The following DCLK1 variants were observed in gnomAD, a reference collection of about 807,000 sequenced individuals.
DCLK1 encodes doublecortin like kinase 1.
Under a neutral mutation model 86.2 loss-of-function variants are expected in DCLK1, and 16 were observed. The ratio of observed to expected loss-of-function variants is 0.19; its 90% CI spans 0.13 to 0.28. The LOEUF is 0.28. DCLK1 is among the 10% of genes least tolerant of loss of function. The pLI is 1.00. For synonymous variants in DCLK1, 369 were observed against 370.5 expected, an observed-to-expected ratio of 1.00 and a Z score of 0.05; for missense variants, 590 against 940.2, an observed-to-expected ratio of 0.63 and a Z score of 4.87.
intron 6 of DCLK1, among the ~76,000 whole-genome samples, chr13:35,845,712 C>T (rs1163745887): frequency 6.6e-6 from 1 of 152,204 alleles, no homozygotes; most frequent in Non-Finnish European, 1.5e-5. Flanking sequence ...TTATTACTGT[C>T]AGCATTTTAT....
intron 3 of DCLK1, among the ~76,000 whole-genome samples, chr13:35,966,675 T>C (rs1878757185): frequency 6.6e-6 from 1 of 152,028 alleles, no homozygotes; most frequent in African/African-American, 2.4e-5. Context: ...TGACTGGTTT[T>C]CGTATTTTTT....
intron 10 of DCLK1, among the ~76,000 whole-genome samples, chr13:35,823,679 G>T (rs1322955141): frequency 6.6e-6 from 1 of 152,150 alleles, no homozygotes; most frequent in East Asian, 1.9e-4. Context: ...GAGAATTGGG[G>T]TCTGATTTAC....
intron 4 of DCLK1, among the ~76,000 whole-genome samples, chr13:35,942,008 C>G (rs1430100277): frequency 1.3e-5 from 2 of 152,046 alleles, no homozygotes; most frequent in African/African-American, 2.4e-5. Flanking sequence ...TTCTTTCACA[C>G]CCTAGAGCTC....
intron 5 of DCLK1, among the ~76,000 whole-genome samples, chr13:35,867,611 C>T (rs1871885823): frequency 6.6e-6 from 1 of 152,138 alleles, no homozygotes; most frequent in South Asian, 2.1e-4. Flanking sequence ...CAAATGTTGG[C>T]AGTGACATAC....
At chr13:35,792,320 C>G (rs1294520151) in intron 16 of DCLK1, among the ~76,000 whole-genome samples, 1 of 152,094 alleles carries the variant, frequency 6.6e-6, no homozygotes, top group Non-Finnish European at 1.5e-5. Flanking sequence ...CTCAGTAACC[C>G]AGATCTGGGA....
At chr13:35,805,644 T>C (rs1165518457) in intron 15 of DCLK1, 55 bp downstream of exon 15, 2 of 1,536,950 alleles carry the variant, frequency 1.3e-6, no homozygotes, top group South Asian at 2.3e-5. Context: ...AATCTGCAAC[T>C]GATTTTTAAA....
intron 5 of DCLK1, among the ~76,000 whole-genome samples, chr13:35,856,073 C>T (rs556281939): frequency 3.3e-5 from 5 of 152,140 alleles, no homozygotes; most frequent in Non-Finnish European, 7.4e-5. Context: ...CTCCAAAGAC[C>T]TTAAAAAATG....
rs566692203 is a variant in DCLK1 at position 35,934,946 on chromosome 13, A to C, written c.823+12412T>G. Among the ~76,000 whole-genome samples, 8 of 152,298 alleles carry C rather than the reference A, an allele frequency of 5.3e-5. No homozygotes were observed. In the South Asian group the frequency reaches 1.7e-3, roughly 32 times the overall value. ...ACAGCAGAATGAACAACAATGGTAT[A>C]ATAAAGAGCAAAGAGCTGGAAAAAG... On this transcript the variant is annotated intron_variant, in intron 4 of 16. Transcript: ENST00000360631.
At chr13:35,863,984 T>C (rs1022811947) in intron 5 of DCLK1, among the ~76,000 whole-genome samples, 10 of 152,230 alleles carry the variant, frequency 6.6e-5, no homozygotes, top group Non-Finnish European at 8.8e-5. Flanking sequence ...TGCTTCGTCA[T>C]GGTAGATGCT....
At position 35,877,666 on chromosome 13, in the gene DCLK1, T is replaced by A. The variant is rs536220780; in HGVS notation, c.824-6326A>T. ...TATCTCAACTCTAAATTCAGTTTTCTGAATTGTTCAGGAAATGGACAAGTT... is the reference window on the plus strand; with the variant it reads ...TATCTCAACTCTAAATTCAGTTTTCAGAATTGTTCAGGAAATGGACAAGTT... On this transcript the variant is annotated intron_variant, in intron 4 of 16. Transcript: ENST00000360631. Among the ~76,000 whole-genome samples, 12 of 152,344 alleles carry A rather than the reference T, an allele frequency of 7.9e-5. No individual in the cohort carries two copies. The South Asian group carries it at 1.2e-3, about 16-fold the overall frequency.
At chr13:35,825,894 C>A (rs1439754869) in intron 10 of DCLK1, among the ~76,000 whole-genome samples, 1 of 151,762 alleles carries the variant, frequency 6.6e-6, no homozygotes, top group Non-Finnish European at 1.5e-5. Context: ...CTCACTGCAA[C>A]CACCACCTCC....
chr13:35,958,611 C>T (rs1385190377), intron 3 of DCLK1, among the ~76,000 whole-genome samples: 1 of 152,186 alleles, frequency 6.6e-6, no homozygotes. Context: ...TAAGGGGAGC[C>T]CTTACAAAAC....
chr13:35,830,603 A>T (rs2322826), intron 8 of DCLK1, among the ~76,000 whole-genome samples: 26,567 of 152,158 alleles, frequency 0.17, 2,735 homozygotes, highest in Admixed American at 0.28. Context: ...TTCATAAATT[A>T]CTAAAAAATT....
chr13:36,052,761 G>C (rs1264562012), intron 3 of DCLK1, among the ~76,000 whole-genome samples: 1 of 152,150 alleles, frequency 6.6e-6, no homozygotes, highest in Non-Finnish European at 1.5e-5. Context: ...ACTGCTCCAT[G>C]TCATTATGTG....
At chr13:36,056,657 C>A (rs9602007) in intron 3 of DCLK1, among the ~76,000 whole-genome samples, 52,268 of 128,518 alleles carry the variant, frequency 0.41, 10,080 homozygotes, top group South Asian at 0.61. Flanking sequence ...CCAGAGCACA[C>A]AAAAAAAAAA....
Position 35,899,596 on chromosome 13 carries a change from C to T in DCLK1, c.824-28256G>A, listed in dbSNP as rs1213153953. Among the ~76,000 whole-genome samples, 2 of 152,118 alleles carry T rather than the reference C, an allele frequency of 1.3e-5. 1 individual carries two copies. The highest frequency in any genetic ancestry group is 6.3e-3 in the Middle Eastern group (2 of 316). ...CCTATCCATATGTCTAATTACAATGCAGCACAGTGATGAATATGTAAATCA... is the reference window on the plus strand; with the variant it reads ...CCTATCCATATGTCTAATTACAATGTAGCACAGTGATGAATATGTAAATCA... On this transcript the variant is annotated intron_variant, in intron 4 of 16. Transcript: ENST00000360631.
chr13:35,774,640 C>G lies in DCLK1; in HGVS notation c.2118G>C (p.Arg706Ser), dbSNP rs745764381. 2.5e-6 allele frequency: 4 copies of G among 1,608,652 alleles called. No individual in the cohort carries two copies. The African/African-American group carries it at 5.3e-5, about 22-fold the overall frequency. Residue 706 changes from arginine to serine, a missense_variant, in exon 17 of 17, where the codon AGG (arginine) becomes AGC (serine). Physicochemically the swap from Arg to Ser is moderately radical, Grantham distance 110 (BLOSUM62 -1). Around this residue, in one of 6 missense-constraint regions of DCLK1, gnomAD observed 146 missense variants for 190.2 expected, o/e 0.77. Transcript: ENST00000360631. ...GAGCTGGCTGCGCCTTGTACCGGCT[C>G]CTCACATCCTGGTTGCGTCTTCGTC... Reference protein sequence around the residue: ...VFRRRRNQDVRSRYKAQPAPP... With the variant: ...VFRRRRNQDVSSRYKAQPAPP...
intron 3 of DCLK1, among the ~76,000 whole-genome samples, chr13:36,025,263 C>A (rs933642784): frequency 6.6e-6 from 1 of 152,138 alleles, no homozygotes; most frequent in Non-Finnish European, 1.5e-5. Flanking sequence ...CCACTGTGCC[C>A]AGCTGGTCAA....
chr13:36,041,940 G>GA (rs1465262325), intron 3 of DCLK1, among the ~76,000 whole-genome samples: 7 of 152,064 alleles, frequency 4.6e-5, no homozygotes, highest in Non-Finnish European at 1.5e-5. Context: ...TATCTATAAG[G>GA]AATTTTTATT....
Sources: allele counts gnomAD v4.1 joint callset (sites outside exome capture counted in the v4.1 genomes callset), GRCh38; gene constraint gnomAD v4.1.1; regional missense constraint gnomAD v4.1.1; transcripts MANE v1.5; gene names NCBI Gene and HGNC (gene_info 2026-07-23, HGNC 2026-07-21).